Variants in ZNF423 observed in about 807,000 individuals in gnomAD.
ZNF423 encodes the protein Ebf-associated zinc finger protein.
ZNF423 carries 12 observed loss-of-function variants against 95.8 expected under a neutral mutation model. The ratio of observed to expected loss-of-function variants is 0.13; its 90% CI spans 0.08 to 0.20. The LOEUF is 0.20. Ranked by LOEUF, ZNF423 falls within the 10% of genes least tolerant of loss-of-function variation. The pLI, the probability that ZNF423 is intolerant of heterozygous loss-of-function variation, is 1.00. For missense variants in ZNF423, 1,316 were observed against 1,737.1 expected (o/e 0.76, Z 4.31); for synonymous variants, 749 against 711.9 (o/e 1.05, Z -0.83).
intron 5 of ZNF423, among the ~76,000 whole-genome samples, chr16:49,584,097 T>C (rs1970749798): frequency 6.6e-6 from 1 of 152,230 alleles, no homozygotes; most frequent in African/African-American, 2.4e-5. Context: ...CCAACACCCA[T>C]GTGCTTAGAG....
chr16:49,677,230 A>AGAGAAGAGAAGAGAAGAGAAGAGAG lies in ZNF423; in HGVS notation c.302-38357_302-38356insCTCTCTTCTCTTCTCTTCTCTTCTC, dbSNP rs2031095496. On this transcript the variant is annotated intron_variant, in intron 3 of 7. Coordinates refer to ENST00000563137, the MANE Select transcript of ZNF423 (RefSeq NM_001379286.1). The stretch of plus-strand genomic sequence containing the variant: ...GAGACTCCAACATAGAAACAAGAAA[A>AGAGAAGAGAAGAGAAGAGAAGAGAG]GAGAAGAGAAGAGAAGATAAGAGAA... Among the ~76,000 whole-genome samples, 28 of 9,478 alleles carry AGAGAAGAGAAGAGAAGAGAAGAGAG rather than the reference A, an allele frequency of 3.0e-3. 1 individual carries two copies. Among genetic ancestry groups the AGAGAAGAGAAGAGAAGAGAAGAGAG allele is most frequent in the African/African-American group, 0.012 (25 of 2,134 alleles). The allele number at this position is 9,478 out of a possible 152,430, so 6.2% of individuals were successfully genotyped here. A position where few individuals can be genotyped will look rare whatever the true frequency, so the allele number is the denominator to read the frequency against.
At chr16:49,794,871 C>CA (rs2034474110) in intron 1 of ZNF423, among the ~76,000 whole-genome samples, 2 of 152,236 alleles carry the variant, frequency 1.3e-5, no homozygotes, top group Middle Eastern at 3.4e-3. Flanking sequence ...AGGTGCTCAA[C>CA]AAAAAACAAA....
chr16:49,504,061 A>G (rs1426923469), intron 7 of ZNF423, among the ~76,000 whole-genome samples: 1 of 152,178 alleles, frequency 6.6e-6, no homozygotes, highest in Admixed American at 6.5e-5. Flanking sequence ...AATCATAGAG[A>G]TGGAAAGTGG....
At chr16:49,641,023 C>T (rs1434362435) in intron 3 of ZNF423, among the ~76,000 whole-genome samples, 3 of 152,236 alleles carry the variant, frequency 2.0e-5, no homozygotes, top group African/African-American at 7.2e-5. Flanking sequence ...CCAGGCCAGG[C>T]TGGACTGGCT....
At chr16:49,520,906 G>T (rs758504509) in intron 7 of ZNF423, among the ~76,000 whole-genome samples, 1 of 152,172 alleles carries the variant, frequency 6.6e-6, no homozygotes, top group Non-Finnish European at 1.5e-5. Context: ...GTATTTAAAC[G>T]GTCTATAATT....
At position 49,677,387 on chromosome 16, in the gene ZNF423, G is replaced by A. The variant is rs62031929; in HGVS notation, c.302-38513C>T. On this transcript the variant is annotated intron_variant, in intron 3 of 7. Transcript: ENST00000563137. ...AGGGGAGGGTAGGAGGGGAGGGGAG[G>A]GGAGAGGAGAGGAGAGAGAGAATGG... Among the ~76,000 whole-genome samples the A allele has an allele frequency of 6.0e-3, 163 of 27,246 alleles. 3 individuals carry two copies. Among genetic ancestry groups the A allele is most frequent in the Middle Eastern group, 0.025 (1 of 40 alleles). The allele number at this position is 27,246 out of a possible 152,430, so 17.9% of individuals were successfully genotyped here. A position where few individuals can be genotyped will look rare whatever the true frequency, so the allele number is the denominator to read the frequency against.
chr16:49,772,709 T>C (rs1296727702), intron 2 of ZNF423, among the ~76,000 whole-genome samples: 2 of 152,210 alleles, frequency 1.3e-5, no homozygotes, highest in Non-Finnish European at 2.9e-5. Context: ...ATCAAGCATG[T>C]GGGATGAAAA....
chr16:49,502,827 G>T lies in ZNF423; in HGVS notation c.3850-11523C>A, dbSNP rs57358918. ...CACACACACACACACACCTGCCCCC[G>T]TCATGTGCCCACCCTCCCCACACAC... is the stretch of plus-strand genomic sequence containing the variant. On this transcript the variant is annotated intron_variant, in intron 7 of 7. Transcript: ENST00000563137. 8.7e-5 allele frequency among the ~76,000 whole-genome samples: 7 copies of T among 80,770 alleles called. No individual in the cohort carries two copies. The East Asian group carries it at 2.3e-3, about 26-fold the overall frequency. 53.0% of individuals were successfully genotyped at this position (80,770 alleles called of 152,430 possible). A position where few individuals can be genotyped will look rare whatever the true frequency, so the allele number is the denominator to read the frequency against.
At chr16:49,852,484 T>C (rs2035312519) in intron 1 of ZNF423, among the ~76,000 whole-genome samples, 1 of 152,074 alleles carries the variant, frequency 6.6e-6, no homozygotes. Context: ...AGAACTGCAG[T>C]GGTAATCGTT....
At chr16:49,707,144 G>GTAA (rs1351139386) in intron 3 of ZNF423, among the ~76,000 whole-genome samples, 3 of 151,696 alleles carry the variant, frequency 2.0e-5, no homozygotes, top group African/African-American at 7.3e-5. Flanking sequence ...CCGCTCCCTG[G>GTAA]GTACCTACCC....
intron 2 of ZNF423, among the ~76,000 whole-genome samples, chr16:49,759,195 C>A (rs981428287): frequency 6.6e-6 from 1 of 152,106 alleles, no homozygotes; most frequent in African/African-American, 2.4e-5. Flanking sequence ...GCCAGGAGTT[C>A]GAGACCATCT....
intron 1 of ZNF423, among the ~76,000 whole-genome samples, chr16:49,797,624 C>T (rs1313818321): frequency 6.6e-6 from 1 of 152,232 alleles, no homozygotes; most frequent in African/African-American, 2.4e-5. Flanking sequence ...AACCACCCAA[C>T]ACCTCCACTG....
chr16:49,703,131 C>T (rs8050490), intron 3 of ZNF423, among the ~76,000 whole-genome samples: 10,224 of 152,290 alleles, frequency 0.067, 485 homozygotes, highest in South Asian at 0.3. Context: ...CTGCGGTTAC[C>T]GCTAGAACCT....
At chr16:49,514,246 G>GCA (rs757863199) in intron 7 of ZNF423, among the ~76,000 whole-genome samples, 1,673 of 139,112 alleles carry the variant, frequency 0.012, 37 homozygotes, top group African/African-American at 0.042. Context: ...ACACGCACAC[G>GCA]CACACACACA....
At chr16:49,772,207 C>T (rs1415352704) in intron 2 of ZNF423, among the ~76,000 whole-genome samples, 1 of 152,234 alleles carries the variant, frequency 6.6e-6, no homozygotes, top group Non-Finnish European at 1.5e-5. Context: ...GGAGTGCCGA[C>T]GTCCAAGGGC....
At chr16:49,816,048 AGCTGGAATTAC>A (rs2034850753) in intron 1 of ZNF423, among the ~76,000 whole-genome samples, 1 of 149,382 alleles carries the variant, frequency 6.7e-6, no homozygotes, top group Non-Finnish European at 1.5e-5. Flanking sequence ...CCTCCTGGGT[AGCTGGAATTAC>A]AAGCGCCCGC....
At chr16:49,817,605 A>G (rs536478614) in intron 1 of ZNF423, among the ~76,000 whole-genome samples, 2 of 152,310 alleles carry the variant, frequency 1.3e-5, no homozygotes, top group Middle Eastern at 3.4e-3. Context: ...GATTGAGGAC[A>G]GCTGGGGAGA....
intron 1 of ZNF423, among the ~76,000 whole-genome samples, chr16:49,851,201 C>A (rs564306104): frequency 3.9e-5 from 6 of 152,298 alleles, no homozygotes; most frequent in African/African-American, 1.4e-4. Context: ...CACTTCACTA[C>A]AGAATGGACA....
chr16:49,572,700 A>T (rs1171667879), intron 5 of ZNF423, among the ~76,000 whole-genome samples: 1 of 152,182 alleles, frequency 6.6e-6, no homozygotes, highest in African/African-American at 2.4e-5. Flanking sequence ...CGCCACTACC[A>T]TAGCTCAAGG....
Sources: gnomAD v4.1 joint callset for allele counts (sites outside exome capture counted in the v4.1 genomes callset) on GRCh38, gnomAD v4.1.1 for gene constraint, MANE v1.5 for transcripts, NCBI Gene and HGNC (gene_info 2026-07-23, HGNC 2026-07-21) for gene names.